CMC1: variants seen among roughly 807,000 people sequenced by gnomAD.
CMC1 encodes COX assembly mitochondrial protein homolog.
Under a neutral mutation model 14.1 loss-of-function variants are expected in CMC1, and 14 were observed. The observed-to-expected ratio is 0.99, with a 90% CI of 0.66 to 1.55. The LOEUF is 1.55. Among genes scored for constraint, CMC1 ranks in the 40% most tolerant of loss-of-function variants. The pLI is 0.00. For missense variants in CMC1, 127 were observed against 123.8 expected (o/e 1.03, Z -0.12); for synonymous variants, 50 against 38.4 (o/e 1.30, Z -1.12).
chr3:28,262,122 T>C (rs1490670735), intron 1 of CMC1, among the ~76,000 whole-genome samples: 2 of 152,162 alleles, frequency 1.3e-5, no homozygotes, highest in Non-Finnish European at 2.9e-5. Context: ...TTTGAAGTTA[T>C]TTCTCCATTG....
chr3:28,263,840 T>C (rs780950297), intron 2 of CMC1, among the ~76,000 whole-genome samples: 5 of 152,122 alleles, frequency 3.3e-5, no homozygotes, highest in Admixed American at 1.3e-4. Context: ...TTACAGTGAG[T>C]CTGGGGTTTT....
At chr3:28,263,094 A>C in intron 1 of CMC1, 197 bp from the exon 2 acceptor site, 1 of 503,060 alleles carries the variant, frequency 2.0e-6, no homozygotes, top group South Asian at 2.6e-5. Context: ...TGTATTCCTC[A>C]CATTTTTGTT....
At chr3:28,260,982 ATTGAGATTTG>A (rs1361536216) in intron 1 of CMC1, among the ~76,000 whole-genome samples, 1 of 152,140 alleles carries the variant, frequency 6.6e-6, no homozygotes, top group Non-Finnish European at 1.5e-5. Flanking sequence ...CTTCAGATTT[ATTGAGATTTG>A]TTTTATAGCC....
intron 2 of CMC1, among the ~76,000 whole-genome samples, chr3:28,300,916 C>T (rs1357259901): frequency 9.4e-6 from 1 of 106,914 alleles, no homozygotes; most frequent in Non-Finnish European, 1.9e-5. Flanking sequence ...TGCAGACATA[C>T]CCCCCCGACG....
Position 28,257,143 on chromosome 3 carries a change from T to C in CMC1, c.20-6148T>C, listed in dbSNP as rs114011298. ...ACTATGAGTGCAGATTTCTATAAAT[T>C]TTTAAGCTAATCGATTTTAAATTGA... On this transcript the variant is annotated intron_variant, in intron 1 of 3. Transcript: ENST00000466830. Among the ~76,000 whole-genome samples, 264 of 152,326 alleles carry C rather than the reference T, an allele frequency of 1.7e-3. 1 individual carries two copies. Among genetic ancestry groups the C allele is most frequent in the African/African-American group, 5.9e-3 (246 of 41,578 alleles).
intron 2 of CMC1, among the ~76,000 whole-genome samples, chr3:28,272,691 T>G (rs753167131): frequency 6.6e-6 from 1 of 152,080 alleles, no homozygotes; most frequent in Non-Finnish European, 1.5e-5. Flanking sequence ...CTTTTTTCTT[T>G]CTTTTTTTTT....
intron 2 of CMC1, among the ~76,000 whole-genome samples, chr3:28,290,241 AT>A (rs1019863140): frequency 1.1e-4 from 16 of 151,618 alleles, no homozygotes; most frequent in Non-Finnish European, 4.4e-5. Flanking sequence ...GTCTTTAAAA[AT>A]TTTTTTTTGA....
Position 28,245,423 on chromosome 3 carries a change from A to G in CMC1, c.19+3611A>G, listed in dbSNP as rs147631400. On this transcript the variant is annotated intron_variant, in intron 1 of 3. Coordinates refer to ENST00000466830, the MANE Select transcript of CMC1 (RefSeq NM_182523.2). ...ATAAATTTGATTTTTCACTTTCTCT[A>G]TCAACTAAAGTAATTCCTTTCTCCC... Among the ~76,000 whole-genome samples the G allele has an allele frequency of 2.4e-3, 372 of 152,244 alleles. 7 individuals carry two copies. The highest frequency in any genetic ancestry group is 0.02 in the Admixed American group (303 of 15,288).
At chr3:28,296,144 C>T (rs1701728825) in intron 2 of CMC1, among the ~76,000 whole-genome samples, 1 of 152,004 alleles carries the variant, frequency 6.6e-6, no homozygotes, top group Non-Finnish European at 1.5e-5. Flanking sequence ...TAAGACTAAA[C>T]AGGCCAGGAA....
chr3:28,255,263 C>A (rs1270910708), intron 1 of CMC1, among the ~76,000 whole-genome samples: 4 of 138,868 alleles, frequency 2.9e-5, no homozygotes, highest in African/African-American at 1.1e-4. Context: ...TTTTTTGAGA[C>A]AGAGTCTCGC....
chr3:28,284,481 T>G (rs900754883), intron 2 of CMC1, among the ~76,000 whole-genome samples: 1 of 152,182 alleles, frequency 6.6e-6, no homozygotes, highest in African/African-American at 2.4e-5. Context: ...AAAATAATAG[T>G]GCACATGTTT....
intron 1 of CMC1, among the ~76,000 whole-genome samples, chr3:28,245,156 G>A (rs1426003716): frequency 1.3e-5 from 2 of 152,088 alleles, no homozygotes; most frequent in African/African-American, 4.8e-5. Flanking sequence ...CTTTATAGAA[G>A]CTTGATTTTC....
At chr3:28,307,432 G>C (rs1053960293) in intron 2 of CMC1, among the ~76,000 whole-genome samples, 1 of 152,168 alleles carries the variant, frequency 6.6e-6, no homozygotes, top group Non-Finnish European at 1.5e-5. Context: ...GGGAGGCTGA[G>C]GTGGGAGGAT....
In CMC1 at chr3:28,296,758, T is replaced by C. The variant is rs558061402; in HGVS notation, c.110-19575T>C. 1.4e-4 allele frequency among the ~76,000 whole-genome samples: 22 copies of C among 152,228 alleles called. No homozygotes were observed. The South Asian group carries it at 4.3e-3, about 30-fold the overall frequency. On this transcript the variant is annotated intron_variant, in intron 2 of 3. Transcript: ENST00000466830. ...TATGACTTATTTAACATATATTGAA[T>C]TCTAACAATGTAAACTTATTAGAAA...
chr3:28,261,297 A>C (rs11921493), intron 1 of CMC1, among the ~76,000 whole-genome samples: 6,995 of 152,138 alleles, frequency 0.046, 507 homozygotes, highest in African/African-American at 0.15. Context: ...TTTTGTTACC[A>C]AGAATAGAAT....
At chr3:28,267,424 A>T (rs1700062844) in intron 2 of CMC1, among the ~76,000 whole-genome samples, 1 of 152,156 alleles carries the variant, frequency 6.6e-6, no homozygotes, top group Non-Finnish European at 1.5e-5. Flanking sequence ...AAGACAGAAA[A>T]GTATTTTGTC....
intron 2 of CMC1, among the ~76,000 whole-genome samples, chr3:28,265,134 G>A (rs897282334): frequency 4.6e-5 from 7 of 151,954 alleles, no homozygotes; most frequent in African/African-American, 9.7e-5. Flanking sequence ...ATATACTTAC[G>A]GTTTCTGAAG....
intron 2 of CMC1, among the ~76,000 whole-genome samples, chr3:28,281,979 G>C (rs185046235): frequency 6.6e-6 from 1 of 152,244 alleles, no homozygotes; most frequent in East Asian, 1.9e-4. Context: ...AGTCAAGGCT[G>C]ATTTTGGAGT....
At chr3:28,297,366 A>G (rs1274529839) in intron 2 of CMC1, among the ~76,000 whole-genome samples, 1 of 152,042 alleles carries the variant, frequency 6.6e-6, no homozygotes, top group Non-Finnish European at 1.5e-5. Flanking sequence ...TATAGCCACC[A>G]TTACTGTGGC....
Sources: gnomAD v4.1 joint callset for allele counts (sites outside exome capture counted in the v4.1 genomes callset) on GRCh38, gnomAD v4.1.1 for gene constraint, MANE v1.5 for transcripts, NCBI Gene and HGNC (gene_info 2026-07-23, HGNC 2026-07-21) for gene names.